CACNA1C: variants seen among roughly 807,000 people sequenced by gnomAD.
The protein encoded by CACNA1C is voltage-dependent L-type calcium channel subunit alpha-1C.
In CACNA1C, 30 loss-of-function variants were observed where a neutral mutation model predicts 229.0. The observed-to-expected ratio is 0.13, with a 90% CI of 0.10 to 0.18. The LOEUF (loss-of-function observed/expected upper bound fraction) is 0.18, where lower values mean the gene tolerates loss of function less well. Among genes scored for constraint, CACNA1C ranks in the 10% least tolerant of loss-of-function variants. The pLI is 1.00. For synonymous variants in CACNA1C, 1,114 were observed against 1,132.5 expected, an observed-to-expected ratio of 0.98 and a Z score of 0.33; for missense variants, 1,658 against 2,845.0, an observed-to-expected ratio of 0.58 and a Z score of 9.49.
At position 2,694,156 on chromosome 12, in the gene CACNA1C, T is replaced by C. The variant is rs754247173; in HGVS notation, c.*2957T>C. ...TTCCCTGTCTAGGGCAGGAGGACTA[T>C]CCTAGCTTGACCTTCTGATCCACTA... is the stretch of plus-strand genomic sequence containing the variant. On this transcript the variant is annotated 3_prime_UTR_variant, in exon 47 of 47. Transcript: ENST00000399655. 12 of 152,212 alleles carry C rather than the reference T, an allele frequency of 7.9e-5. No individual in the cohort carries two copies. Among genetic ancestry groups the C allele is most frequent in the African/African-American group, 2.9e-4 (12 of 41,446 alleles). The allele number at this position is 152,212 out of a possible 1,614,324, so 9.4% of individuals were successfully genotyped here.
At chr12:2,231,754 G>T (rs1229224743) in intron 3 of CACNA1C, among the ~76,000 whole-genome samples, 3 of 152,084 alleles carry the variant, frequency 2.0e-5, no homozygotes, top group Non-Finnish European at 4.4e-5. Context: ...CCTGCAAGCT[G>T]CTAACAGTCT....
At chr12:2,036,268 G>A (rs1170878214) in intron 1 of CACNA1C, among the ~76,000 whole-genome samples, 1 of 152,220 alleles carries the variant, frequency 6.6e-6, no homozygotes, top group African/African-American at 2.4e-5. Context: ...GCCGTGGGAA[G>A]GAATGAGCAG....
At chr12:2,147,431 A>C (rs2094824670) in intron 3 of CACNA1C, among the ~76,000 whole-genome samples, 1 of 151,368 alleles carries the variant, frequency 6.6e-6, no homozygotes, top group African/African-American at 2.4e-5. Context: ...TGAAATGCCA[A>C]ATTTGGGCAA....
At chr12:2,112,652 C>A (rs963481356) in intron 1 of CACNA1C, among the ~76,000 whole-genome samples, 1 of 152,038 alleles carries the variant, frequency 6.6e-6, no homozygotes, top group East Asian at 1.9e-4. Flanking sequence ...GCAACTGTTG[C>A]GGGACAGGAG....
At chr12:2,137,559 G>A (rs1207810159) in intron 3 of CACNA1C, among the ~76,000 whole-genome samples, 3 of 151,130 alleles carry the variant, frequency 2.0e-5, no homozygotes, top group East Asian at 1.9e-4. Context: ...GTGATGGGGC[G>A]AGACCCCATG....
intron 3 of CACNA1C, among the ~76,000 whole-genome samples, chr12:2,173,298 T>C (rs1398624470): frequency 1.3e-5 from 2 of 152,190 alleles, no homozygotes; most frequent in Non-Finnish European, 2.9e-5. Context: ...GTTCTCCATT[T>C]CCAGGAAGGT....
chr12:2,262,669 C>T (rs2080754683), intron 3 of CACNA1C, among the ~76,000 whole-genome samples: 1 of 152,128 alleles, frequency 6.6e-6, no homozygotes, highest in African/African-American at 2.4e-5. Flanking sequence ...CAGAGGGATG[C>T]CTTGCAGGAC....
chr12:2,473,990 A>G (rs949864271), intron 5 of CACNA1C, among the ~76,000 whole-genome samples: 6 of 152,002 alleles, frequency 3.9e-5, no homozygotes, highest in Non-Finnish European at 7.3e-5. Flanking sequence ...ACTCCATCTC[A>G]AGAACATCCA....
At chr12:2,370,985 G>A (rs2154539638) in intron 3 of CACNA1C, among the ~76,000 whole-genome samples, 3 of 152,276 alleles carry the variant, frequency 2.0e-5, no homozygotes, top group Admixed American at 2.0e-4. Context: ...TTCAGTGAGG[G>A]ACCCCAGGGG....
In CACNA1C at chr12:2,512,908, G is replaced by A. The variant is rs1258402829; in HGVS notation, c.1314G>A (p.Leu438=). The part of the protein sequence containing the change: ...QQLEEDLKGY[L]DWITQAEDID... ...TAGAAGAGGATCTCAAAGGCTACCT[G>A]GATTGGATCACTCAGGCCGAAGACA... Residue 438 remains leucine (L), a synonymous_variant, in exon 9 of 47, where the codon CTG becomes CTA. Transcript: ENST00000399655. The surrounding 1 kb of genome is among the most constrained non-coding windows in gnomAD (Gnocchi z 4.3). 3 of 1,612,798 alleles carry A rather than the reference G, an allele frequency of 1.9e-6. No individual in the cohort carries two copies. Among genetic ancestry groups the A allele is most frequent in the Non-Finnish European group, 8.5e-7 (1 of 1,179,522 alleles).
chr12:2,618,279 C>A (rs962870776), intron 29 of CACNA1C, among the ~76,000 whole-genome samples: 5 of 152,230 alleles, frequency 3.3e-5, no homozygotes, highest in African/African-American at 1.2e-4. Context: ...ACCACCTTTA[C>A]GAACTGTGGG....
intron 8 of CACNA1C, among the ~76,000 whole-genome samples, chr12:2,509,779 G>A (rs2099779579): frequency 6.6e-6 from 1 of 152,180 alleles, no homozygotes; most frequent in African/African-American, 2.4e-5. Context: ...CACAGTATGA[G>A]AGCTGAATTG....
At chr12:2,209,895 TA>T (rs2154336365) in intron 3 of CACNA1C, among the ~76,000 whole-genome samples, 1 of 152,332 alleles carries the variant, frequency 6.6e-6, no homozygotes, top group East Asian at 1.9e-4. Context: ...TGCATACTCT[TA>T]AAAATGTGTG....
intron 3 of CACNA1C, among the ~76,000 whole-genome samples, chr12:2,224,549 A>G (rs2062392709): frequency 6.6e-6 from 1 of 152,166 alleles, no homozygotes; most frequent in African/African-American, 2.4e-5. Flanking sequence ...GCTGCATTGC[A>G]TGTTAGTAGT....
intron 3 of CACNA1C, among the ~76,000 whole-genome samples, chr12:2,268,215 T>C (rs1744847887): frequency 6.6e-6 from 1 of 152,130 alleles, no homozygotes; most frequent in South Asian, 2.1e-4. Context: ...ATGTGGTCCC[T>C]CTGAAGAGGG....
intron 30 of CACNA1C, 39 bp from the exon 31 acceptor site, chr12:2,648,436 G>A: frequency 6.2e-7 from 1 of 1,602,232 alleles, no homozygotes; most frequent in Non-Finnish European, 8.6e-7. Context: ...CTTCATGGGA[G>A]ACTCATTACA....
chr12:2,444,247 C>G (rs751778349), intron 3 of CACNA1C, among the ~76,000 whole-genome samples: 2 of 152,150 alleles, frequency 1.3e-5, no homozygotes, highest in Admixed American at 6.5e-5. Context: ...GGTTTCCTGT[C>G]CTCTGTGCAT....
chr12:2,524,703 C>T (rs534197987), intron 9 of CACNA1C, among the ~76,000 whole-genome samples: 33 of 152,344 alleles, frequency 2.2e-4, no homozygotes, highest in African/African-American at 3.4e-4. Context: ...TGCTCTGCAT[C>T]GGGCCAGCAG....
chr12:2,234,059 C>CT (rs1209358976), intron 3 of CACNA1C, among the ~76,000 whole-genome samples: 3 of 152,162 alleles, frequency 2.0e-5, no homozygotes, highest in African/African-American at 7.2e-5. Context: ...TTTCCTTTAA[C>CT]TTTTTGAGCA....
Sources: gnomAD v4.1 joint callset for allele counts (sites outside exome capture counted in the v4.1 genomes callset) on GRCh38, gnomAD v4.1.1 for gene constraint, Gnocchi (gnomAD v3.1) non-coding constraint, MANE v1.5 for transcripts, NCBI Gene and HGNC (gene_info 2026-07-23, HGNC 2026-07-21) for gene names.